USP43: variants seen among roughly 807,000 people sequenced by gnomAD.
The protein encoded by USP43 is ubiquitin specific peptidase 43, also known as ubiquitin carboxyl-terminal hydrolase 43.
USP43 carries 33 observed loss-of-function variants against 90.7 expected under a neutral mutation model. The observed-to-expected ratio is 0.36, with a 90% CI of 0.28 to 0.49. USP43 has a LOEUF of 0.49. Among genes scored for constraint, USP43 ranks in the 20% least tolerant of loss-of-function variants. The pLI is 0.98. For synonymous variants in USP43, 598 were observed against 615.8 expected, an observed-to-expected ratio of 0.97 and a Z score of 0.43; for missense variants, 1,274 against 1,476.4, an observed-to-expected ratio of 0.86 and a Z score of 2.25.
rs375552562 is a variant in USP43, at chr17:9,702,963, C to T, written c.2011+1263C>T. Among the ~76,000 whole-genome samples, 548 of 152,302 alleles carry T rather than the reference C, an allele frequency of 3.6e-3. 2 individuals are homozygous for T. Among genetic ancestry groups the T allele is most frequent in the African/African-American group, 0.012 (494 of 41,564 alleles). On this transcript the variant is annotated intron_variant, in intron 12 of 14. Coordinates refer to ENST00000285199, the MANE Select transcript of USP43 (RefSeq NM_153210.5). ...TGAAGGTTATGGGAGCCACCAAAGC[C>T]GCTTTCAGCTGACAGTGGCCGCCTT... is the stretch of plus-strand genomic sequence containing the variant.
rs1170620314 is a variant in USP43 at position 9,656,283 on chromosome 17, G to A, written c.505-120G>A. ...GAACATTTCTACCCCGGCTGTTTGT[G>A]TGCTGTCATCCCAGGTCAGGGCTGA... On this transcript the variant is annotated intron_variant, in intron 1 of 14. Transcript: ENST00000285199. 15 of 1,310,416 alleles carry A rather than the reference G, an allele frequency of 1.1e-5. No individual in the cohort carries two copies. The Admixed American group carries it at 3.7e-4, about 32-fold the overall frequency. 81.2% of individuals were successfully genotyped at this position (1,310,416 alleles called of 1,614,324 possible). A position where few individuals can be genotyped will look rare whatever the true frequency, so the allele number is the denominator to read the frequency against.
At chr17:9,659,541 G>T (rs1257099922) in intron 2 of USP43, among the ~76,000 whole-genome samples, 1 of 152,082 alleles carries the variant, frequency 6.6e-6, no homozygotes, top group African/African-American at 2.4e-5. Context: ...AGAAATAGGT[G>T]GTACCTCTTT....
chr17:9,678,509 T>G (rs1913938447), intron 5 of USP43, among the ~76,000 whole-genome samples: 1 of 151,958 alleles, frequency 6.6e-6, no homozygotes, highest in South Asian at 2.1e-4. Flanking sequence ...CCCAGCTAAT[T>G]TTTTGTATTT....
At chr17:9,700,271 A>T in intron 10 of USP43, 22 bp downstream of exon 10, 1 of 1,576,356 alleles carries the variant, frequency 6.3e-7, no homozygotes, top group Non-Finnish European at 8.6e-7. Context: ...GGAATTTGCC[A>T]CCTGCAGAGC....
chr17:9,682,842 G>A lies in USP43; in HGVS notation c.1125G>A (p.Ser375=), dbSNP rs371003431. 12 of 1,613,774 alleles carry A rather than the reference G, an allele frequency of 7.4e-6. No homozygotes were observed. The highest frequency in any genetic ancestry group is 1.3e-5 in the African/African-American group (1 of 74,924). The change falls in exon 7 of 15, where the codon TCG becomes TCA. Residue 375 remains serine, a synonymous_variant. Transcript: ENST00000285199. ...TTCTAGCTCATCCACTGGGTCTGTC[G>A]GCCTCCCCACGCCTGGCAGCCCGTG... ...GTLSAHPLGL[S]ASPRLAAREG...
chr17:9,656,949 C>T (rs1912295571), intron 2 of USP43, among the ~76,000 whole-genome samples: 2 of 152,158 alleles, frequency 1.3e-5, no homozygotes, highest in African/African-American at 2.4e-5. Flanking sequence ...AACTTTTCCT[C>T]TCACGACACA....
At position 9,709,107 on chromosome 17, in the gene USP43, C is replaced by G. The variant is rs1916044894; in HGVS notation, c.2012-849C>G. On this transcript the variant is annotated intron_variant, in intron 12 of 14. Transcript: ENST00000285199. This position sits in a 1 kb window ranked among gnomAD's most constrained non-coding sequence, Gnocchi z 5.0. ...GAAAAGTTTGCAAACTTCCAGATTACTGGGTTATGCTGTCATTTGCTGACA... is the reference window on the plus strand; with the variant it reads ...GAAAAGTTTGCAAACTTCCAGATTAGTGGGTTATGCTGTCATTTGCTGACA... Among the ~76,000 whole-genome samples, 1 of 152,162 alleles carries G rather than the reference C, an allele frequency of 6.6e-6. No individual in the cohort carries two copies. The highest frequency in any genetic ancestry group is 1.5e-5 in the Non-Finnish European group (1 of 68,036).
intron 3 of USP43, among the ~76,000 whole-genome samples, chr17:9,671,448 GTT>G (rs1266061022): frequency 6.6e-6 from 1 of 152,170 alleles, no homozygotes; most frequent in Non-Finnish European, 1.5e-5. Context: ...CAGATCCACT[GTT>G]CAGTGAGCAG....
chr17:9,664,026 T>C (rs1912832822), intron 2 of USP43, among the ~76,000 whole-genome samples: 1 of 152,220 alleles, frequency 6.6e-6, no homozygotes, highest in African/African-American at 2.4e-5. Flanking sequence ...AGACTCACTT[T>C]CCAGCCCTGT....
At chr17:9,651,366 A>G (rs112469779) in intron 1 of USP43, among the ~76,000 whole-genome samples, 3,911 of 151,758 alleles carry the variant, frequency 0.026, 159 homozygotes, top group African/African-American at 0.088. Flanking sequence ...TAATTTTTGT[A>G]TTTGTAGTAG....
chr17:9,677,302 G>A (rs1010236188), intron 5 of USP43, among the ~76,000 whole-genome samples: 3 of 152,180 alleles, frequency 2.0e-5, no homozygotes, highest in South Asian at 2.1e-4. Context: ...CTTGCCCAAC[G>A]TCACTAGCTA....
intron 2 of USP43, among the ~76,000 whole-genome samples, chr17:9,658,260 A>C (rs1247805280): frequency 6.6e-6 from 1 of 152,240 alleles, no homozygotes; most frequent in African/African-American, 2.4e-5. Context: ...AAGAATGAAC[A>C]GTGCAGGAAG....
intron 10 of USP43, 150 bp from the exon 11 acceptor site, chr17:9,700,969 A>G (rs142992806): frequency 2.2e-6 from 2 of 905,184 alleles, no homozygotes; most frequent in South Asian, 3.7e-5. Context: ...AGTCAGAAGG[A>G]TGCCTGCAGC....
chr17:9,715,807 ATCTGTGTGTC>A (rs1203922461), intron 14 of USP43, among the ~76,000 whole-genome samples: 9 of 118,960 alleles, frequency 7.6e-5, no homozygotes, highest in Non-Finnish European at 8.8e-5. Flanking sequence ...GTGTCTGTGT[ATCTGTGTGTC>A]TCTGTGTGTC....
chr17:9,678,304 A>G (rs1913919754), intron 5 of USP43, among the ~76,000 whole-genome samples: 1 of 152,166 alleles, frequency 6.6e-6, no homozygotes, highest in South Asian at 2.1e-4. Context: ...TGGCAAGTGT[A>G]TTATATTTAT....
intron 8 of USP43, 107 bp downstream of exon 8, chr17:9,687,016 G>T: frequency 2.1e-6 from 2 of 961,384 alleles, no homozygotes; most frequent in Admixed American, 2.4e-5. Context: ...GCCCAGGAGA[G>T]GATAATTTGC....
At position 9,704,130 on chromosome 17, in the gene USP43, A is replaced by G. The variant is rs539570729; in HGVS notation, c.2011+2430A>G. 5.5e-4 allele frequency among the ~76,000 whole-genome samples: 83 copies of G among 152,174 alleles called. 2 individuals carry two copies. The highest frequency in any genetic ancestry group is 4.8e-5 in the African/African-American group (2 of 41,522). Reference sequence around the variant, plus strand: ...TTTGATTTCTGTTCCTTTGTCTAGGATAGGATATATTTTTCTCTCTGGAAG... The same window carrying G: ...TTTGATTTCTGTTCCTTTGTCTAGGGTAGGATATATTTTTCTCTCTGGAAG... On this transcript the variant is annotated intron_variant, in intron 12 of 14. Coordinates refer to ENST00000285199, the MANE Select transcript of USP43 (RefSeq NM_153210.5).
At chr17:9,727,914 A>C (rs767774449) in intron 14 of USP43, 40 bp from the exon 15 acceptor site, 2 of 1,558,866 alleles carry the variant, frequency 1.3e-6, no homozygotes, top group Non-Finnish European at 1.7e-6. Context: ...TTTCAGCTGT[A>C]GGGTGGCTTG....
intron 12 of USP43, among the ~76,000 whole-genome samples, chr17:9,704,814 G>T (rs781643839): frequency 6.6e-6 from 1 of 150,830 alleles, no homozygotes; most frequent in Non-Finnish European, 1.5e-5. Flanking sequence ...AGGCGAGTGT[G>T]TGACCTCCAC....
Sources: gnomAD v4.1 joint callset for allele counts (sites outside exome capture counted in the v4.1 genomes callset) on GRCh38, gnomAD v4.1.1 for gene constraint, Gnocchi (gnomAD v3.1) non-coding constraint, MANE v1.5 for transcripts, NCBI Gene and HGNC (gene_info 2026-07-23, HGNC 2026-07-21) for gene names.